Variants in LBH observed in about 807,000 individuals in gnomAD.
The protein encoded by LBH is protein LBH.
A neutral mutation model predicts 12.5 loss-of-function variants in LBH; 7 were observed. The ratio of observed to expected loss-of-function variants is 0.56; its 90% CI spans 0.32 to 1.05. The LOEUF (loss-of-function observed/expected upper bound fraction) is 1.05. Among genes scored for constraint, LBH ranks in the 50% least tolerant of loss-of-function variants. The pLI is 0.04. For synonymous variants in LBH, 51 were observed against 50.1 expected, an observed-to-expected ratio of 1.02 and a Z score of -0.08; for missense variants, 119 against 138.9, an observed-to-expected ratio of 0.86 and a Z score of 0.72.
At chr2:30,249,298 G>A (rs2103561308) in intron 2 of LBH, among the ~76,000 whole-genome samples, 1 of 152,360 alleles carries the variant, frequency 6.6e-6, no homozygotes, top group Non-Finnish European at 1.5e-5. Flanking sequence ...AGGGGGCAAA[G>A]AACAGGTGGG....
chr2:30,232,701 C>CATGCTTCTCGCTTCAACTTT (rs1677615081), intron 1 of LBH: 2 of 153,214 alleles, frequency 1.3e-5, no homozygotes, highest in Admixed American at 1.3e-4. Flanking sequence ...GCGGAAAGTT[C>CATGCTTCTCGCTTCAACTTT]ATGCTTCTCG....
At chr2:30,249,899 G>A (rs1292811985) in intron 2 of LBH, among the ~76,000 whole-genome samples, 2 of 152,218 alleles carry the variant, frequency 1.3e-5, no homozygotes, top group Admixed American at 1.3e-4. Context: ...TAGAGGAGTA[G>A]AGGAGGAGAA....
At chr2:30,256,101 C>A (rs1678079380) in intron 2 of LBH, among the ~76,000 whole-genome samples, 1 of 152,132 alleles carries the variant, frequency 6.6e-6, no homozygotes, top group Admixed American at 6.5e-5. Flanking sequence ...ATGGCAGGGA[C>A]CAGCAGCCCA....
At position 30,231,733 on chromosome 2, in the gene LBH, G is replaced by A; in HGVS notation, c.-6G>A. On this transcript the variant is annotated 5_prime_UTR_variant, in exon 1 of 3. Transcript: ENST00000395323. The stretch of plus-strand genomic sequence containing the variant: ...AGGGGCGTGTGTCAGCCTGCCCTAG[G>A]ACTTCATGTCTATATATTTCCCCAT... 1 of 1,589,802 alleles carries A rather than the reference G, an allele frequency of 6.3e-7. No homozygotes were observed. The highest frequency in any genetic ancestry group is 1.1e-5 in the South Asian group (1 of 88,182).
Position 30,257,586 on chromosome 2 carries a change from T to C in LBH, c.283T>C (p.Cys95Arg). Residue 95 changes from cysteine to arginine, a missense_variant, in exon 3 of 3, where the codon TGC becomes CGC. Cys to Arg is a radical substitution (Grantham distance 180, BLOSUM62 -3). Coordinates refer to ENST00000395323, the MANE Select transcript of LBH (RefSeq NM_030915.4). ...GGTCCAGGAGGATGAGCAAGATAAC[T>C]GCGAAGAGACAGCGAAAGAAAATAA... ...FLVQEDEQDN[C>R]EETAKENKEQ 3 of 1,613,606 alleles carry C rather than the reference T, an allele frequency of 1.9e-6. No homozygotes were observed. Among genetic ancestry groups the C allele is most frequent in the Non-Finnish European group, 2.5e-6 (3 of 1,179,760 alleles).
chr2:30,232,525 T>A, intron 1 of LBH: 1 of 223,498 alleles, frequency 4.5e-6, no homozygotes, highest in Non-Finnish European at 8.8e-6. Flanking sequence ...GGCAGTTTCT[T>A]CCTTCCTGCT....
At position 30,252,189 on chromosome 2, in the gene LBH, A is replaced by G. The variant is rs112669889; in HGVS notation, c.130-5244A>G. Among the ~76,000 whole-genome samples, 123 of 152,298 alleles carry G rather than the reference A, an allele frequency of 8.1e-4. 2 individuals carry two copies. Among genetic ancestry groups the G allele is most frequent in the African/African-American group, 2.7e-3 (114 of 41,572 alleles). On this transcript the variant is annotated intron_variant, in intron 2 of 2. Coordinates refer to ENST00000395323, the MANE Select transcript of LBH (RefSeq NM_030915.4). ...GGGCGGTTACTCTCATGCCATTCTC[A>G]TCATGATAGTAAGTGAGATCTCATA...
chr2:30,252,701 T>C (rs1177016211), intron 2 of LBH, among the ~76,000 whole-genome samples: 1 of 151,402 alleles, frequency 6.6e-6, no homozygotes, highest in Non-Finnish European at 1.5e-5. Flanking sequence ...AATTACCCAG[T>C]CTTGGGGATT....
chr2:30,239,869 C>G (rs1876817), intron 2 of LBH, among the ~76,000 whole-genome samples: 257 of 152,278 alleles, frequency 1.7e-3, no homozygotes, highest in African/African-American at 6.0e-3. Flanking sequence ...CCTACACTAC[C>G]CTGCAGAGGG....
intron 2 of LBH, among the ~76,000 whole-genome samples, chr2:30,251,050 ATTTT>A (rs372791263): frequency 8.2e-6 from 1 of 122,528 alleles, no homozygotes; most frequent in Non-Finnish European, 1.7e-5. Context: ...TGTCAGTAGA[ATTTT>A]TTTTTTTTTT....
rs1484576478 is a variant in LBH at position 30,251,957 on chromosome 2, A to G, written c.130-5476A>G. 2.6e-5 allele frequency among the ~76,000 whole-genome samples: 4 copies of G among 152,202 alleles called. No individual in the cohort carries two copies. The South Asian group carries it at 6.2e-4, about 24-fold the overall frequency. ...TGAGGGTGAGCTTCTGAGATGAACA[A>G]TGGTGCTTACTTTTCTACACAGTGG... On this transcript the variant is annotated intron_variant, in intron 2 of 2. Transcript: ENST00000395323.
chr2:30,259,961 A>AT lies in LBH; in HGVS notation c.*2351dup, dbSNP rs71749256. The AT allele has an allele frequency of 9.2e-3, 1,376 of 149,336 alleles. 5 individuals are homozygous for AT. Among genetic ancestry groups the AT allele is most frequent in the Non-Finnish European group, 0.016 (1,044 of 66,982 alleles). 9.3% of individuals were successfully genotyped at this position (149,336 alleles called of 1,614,324 possible). On this transcript the variant is annotated 3_prime_UTR_variant, in exon 3 of 3. Transcript: ENST00000395323. ...TTTTGAGGCTCAGGGAGAAACTAGC[A>AT]TTTTTTTTTTTCCAAACTACTTTTT...
At chr2:30,249,176 A>T (rs548227876) in intron 2 of LBH, among the ~76,000 whole-genome samples, 21 of 152,220 alleles carry the variant, frequency 1.4e-4, no homozygotes, top group Admixed American at 2.6e-4. Context: ...TGTTCTTATT[A>T]GCCACATTTC....
chr2:30,235,385 C>T (rs1677671430), intron 2 of LBH, among the ~76,000 whole-genome samples: 1 of 152,026 alleles, frequency 6.6e-6, no homozygotes, highest in Admixed American at 6.5e-5. Context: ...CCAGGGAAGT[C>T]GAAAGGGAGT....
At chr2:30,256,995 C>T (rs942356955) in intron 2 of LBH, among the ~76,000 whole-genome samples, 5 of 152,348 alleles carry the variant, frequency 3.3e-5, no homozygotes, top group Admixed American at 2.6e-4. Context: ...TGGTAACCTG[C>T]TCACTTAGTG....
chr2:30,234,924 C>T lies in LBH; in HGVS notation c.129+417C>T, dbSNP rs117219284. Among the ~76,000 whole-genome samples, 760 of 152,276 alleles carry T rather than the reference C, an allele frequency of 5.0e-3. 23 individuals carry two copies. In the East Asian group the frequency reaches 0.095, roughly 19 times the overall value. ...GTAGTAGAAGCATTGCTGTCGGGGG[C>T]TTCTGCAGAAGGGTGGTCTGGTGGG... On this transcript the variant is annotated intron_variant, in intron 2 of 2. Transcript: ENST00000395323.
chr2:30,232,525 T>C, intron 1 of LBH: 1 of 223,496 alleles, frequency 4.5e-6, no homozygotes, highest in Non-Finnish European at 8.8e-6. Flanking sequence ...GGCAGTTTCT[T>C]CCTTCCTGCT....
At chr2:30,241,676 C>T (rs756150833) in intron 2 of LBH, among the ~76,000 whole-genome samples, 5 of 151,748 alleles carry the variant, frequency 3.3e-5, no homozygotes, top group Non-Finnish European at 7.4e-5. Flanking sequence ...TTGGCCAGGC[C>T]GGTCTCAAAT....
chr2:30,240,282 G>A (rs760187155), intron 2 of LBH, among the ~76,000 whole-genome samples: 2 of 152,172 alleles, frequency 1.3e-5, no homozygotes, highest in African/African-American at 2.4e-5. Flanking sequence ...TCTCTAAGTA[G>A]GCCCGGTCTC....
Sources: gnomAD v4.1 joint callset for allele counts (sites outside exome capture counted in the v4.1 genomes callset) on GRCh38, gnomAD v4.1.1 for gene constraint, MANE v1.5 for transcripts, NCBI Gene and HGNC (gene_info 2026-07-23, HGNC 2026-07-21) for gene names.